TRRAP: variants seen among roughly 807,000 people sequenced by gnomAD.
The protein encoded by TRRAP is transformation/transcription domain associated protein, also known as transformation/transcription domain-associated protein.
Under a neutral mutation model 438.8 loss-of-function variants are expected in TRRAP, and 41 were observed. That is an observed-to-expected ratio of 0.09 (90% CI 0.07 to 0.12). TRRAP has a LOEUF of 0.12. Among genes scored for constraint, TRRAP ranks in the 10% least tolerant of loss-of-function variants. The probability of loss-of-function intolerance (pLI) is 1.00; values close to 1 mark genes in which losing one functional copy is unlikely to be tolerated. For missense variants in TRRAP, 3,122 were observed against 5,055.1 expected, an observed-to-expected ratio of 0.62 and a Z score of 11.60; for synonymous variants, 1,994 against 1,962.9, an observed-to-expected ratio of 1.02 and a Z score of -0.42.
Position 98,942,870 on chromosome 7 carries a change from A to G in TRRAP, c.4405-79A>G, listed in dbSNP as rs1790863120. 7.3e-6 allele frequency: 11 copies of G among 1,501,808 alleles called. No individual in the cohort carries two copies. The South Asian group carries it at 9.2e-5, about 13-fold the overall frequency. The allele number at this position is 1,501,808 out of a possible 1,614,324, so 93.0% of individuals were successfully genotyped here. A position where few individuals can be genotyped will look rare whatever the true frequency, so the allele number is the denominator to read the frequency against. On this transcript the variant is annotated intron_variant, in intron 30 of 72. Transcript: ENST00000456197. ...AGTTCTCACACTAAACACGATGGAA[A>G]TGAATGATTACATAGTAGTTTCCAC...
intron 17 of TRRAP, among the ~76,000 whole-genome samples, chr7:98,911,497 G>A (rs542571410): frequency 2.6e-5 from 4 of 152,208 alleles, no homozygotes; most frequent in Non-Finnish European, 4.4e-5. Context: ...TGTGGGCCAG[G>A]TGCAATGGCT....
At chr7:98,906,700 T>G (rs1388956289) in intron 13 of TRRAP, among the ~76,000 whole-genome samples, 1 of 152,088 alleles carries the variant, frequency 6.6e-6, no homozygotes, top group African/African-American at 2.4e-5. Flanking sequence ...CCCACAGTGC[T>G]GGGATTACAG....
intron 63 of TRRAP, among the ~76,000 whole-genome samples, chr7:98,989,378 C>T (rs1445735356): frequency 6.6e-6 from 1 of 152,214 alleles, no homozygotes; most frequent in African/African-American, 2.4e-5. Flanking sequence ...CTCTCTGCAC[C>T]GTGCCCCCCA....
intron 19 of TRRAP, 135 bp downstream of exon 19, chr7:98,916,023 C>A: frequency 8.3e-7 from 1 of 1,199,828 alleles, no homozygotes; most frequent in Non-Finnish European, 1.1e-6. Flanking sequence ...GGCACATCCG[C>A]CGCCCCCCTG....
chr7:98,897,935 T>C, intron 8 of TRRAP, 69 bp downstream of exon 8: 6 of 1,596,094 alleles, frequency 3.8e-6, no homozygotes, highest in Non-Finnish European at 5.1e-6. Context: ...GTTAAACCAT[T>C]TTTTTTTCTC....
At chr7:98,917,295 G>A in intron 19 of TRRAP, 128 bp from the exon 20 acceptor site, 1 of 1,315,888 alleles carries the variant, frequency 7.6e-7, no homozygotes, top group East Asian at 2.3e-5. Flanking sequence ...GAGTCTAAGG[G>A]CACAGAGGTC....
chr7:98,971,847 C>T lies in TRRAP; in HGVS notation c.7741C>T (p.Pro2581Ser). 6.2e-7 allele frequency: 1 copy of T among 1,614,142 alleles called. No individual in the cohort carries two copies. Among genetic ancestry groups the T allele is most frequent in the Non-Finnish European group, 8.5e-7 (1 of 1,180,036 alleles). The change falls in exon 53 of 73, where the codon CCC becomes TCC. Residue 2581 changes from proline to serine, a missense_variant. Pro to Ser is a moderately conservative substitution (Grantham distance 74). Coordinates refer to ENST00000456197, the MANE Select transcript of TRRAP (RefSeq NM_001375524.1). ...ELAPGDQTSTPKTKELSEKDI... is the reference protein window; with the variant it reads ...ELAPGDQTSTSKTKELSEKDI... ...AGCTCCTGGGGATCAGACCAGCACG[C>T]CCAAAACCAAAGAACTTTCAGAAAA...
chr7:98,962,519 G>T, intron 47 of TRRAP, 92 bp downstream of exon 47: 1 of 1,595,832 alleles, frequency 6.3e-7, no homozygotes, highest in Non-Finnish European at 8.6e-7. Context: ...AAGGGCTCCG[G>T]TTGTTGGGCA....
intron 61 of TRRAP, 87 bp downstream of exon 61, chr7:98,984,445 A>G (rs776205005): frequency 1.9e-5 from 28 of 1,454,864 alleles, no homozygotes; most frequent in South Asian, 4.6e-5. Flanking sequence ...CTGGTTCAGA[A>G]TATAAGGAAG....
At chr7:98,991,540 C>T (rs989935118) in intron 64 of TRRAP, among the ~76,000 whole-genome samples, 1 of 152,198 alleles carries the variant, frequency 6.6e-6, no homozygotes, top group African/African-American at 2.4e-5. Context: ...CAAGAGCAGC[C>T]GCCTCTGCCT....
chr7:98,908,818 C>T lies in TRRAP; in HGVS notation c.1206C>T (p.Phe402=), dbSNP rs35310331. Residue 402 remains phenylalanine, a synonymous_variant, in exon 14 of 73, where the codon TTC becomes TTT. Transcript: ENST00000456197. This position sits in a 1 kb window ranked among gnomAD's most constrained non-coding sequence, Gnocchi z 4.1. ...ACCTCTCCCTCGCCGTCCAGCTCTT[C>T]GCCAAGAACATCGACGATGAGTCCC... The part of the protein sequence containing the change: ...LSDLSLAVQL[F]AKNIDDESLP... 0.066 allele frequency: 106,770 copies of T among 1,610,636 alleles called. 9,648 individuals are homozygous for T. Among genetic ancestry groups the T allele is most frequent in the African/African-American group, 0.45 (33,621 of 74,810 alleles).
intron 22 of TRRAP, 132 bp downstream of exon 22, chr7:98,925,395 T>TA: frequency 7.8e-7 from 1 of 1,277,876 alleles, no homozygotes; most frequent in Admixed American, 2.6e-5. Context: ...ATTATCTACC[T>TA]ACTCCTTCTT....
intron 1 of TRRAP, among the ~76,000 whole-genome samples, chr7:98,880,690 A>G (rs1375251954): frequency 2.0e-5 from 3 of 152,206 alleles, no homozygotes; most frequent in Non-Finnish European, 2.9e-5. Context: ...GTCCATAAAT[A>G]AAGTTTTATT....
At chr7:98,886,464 A>G (rs915441899) in intron 3 of TRRAP, among the ~76,000 whole-genome samples, 1 of 152,190 alleles carries the variant, frequency 6.6e-6, no homozygotes, top group African/African-American at 2.4e-5. Flanking sequence ...ATAGATATCT[A>G]GAGAGATAGA....
At chr7:98,899,330 C>T (rs1796366929) in intron 8 of TRRAP, 92 bp from the exon 9 acceptor site, 2 of 1,030,720 alleles carry the variant, frequency 1.9e-6, no homozygotes, top group African/African-American at 1.6e-5. Flanking sequence ...TCCGTTCTCT[C>T]TCTTTCAGTG....
chr7:98,999,015 C>G, intron 67 of TRRAP: 1 of 711,982 alleles, frequency 1.4e-6, no homozygotes, highest in Non-Finnish European at 2.4e-6. Context: ...GGCAGCACAC[C>G]ACATCTGCCA....
intron 53 of TRRAP, among the ~76,000 whole-genome samples, chr7:98,973,297 A>G (rs1191767498): frequency 1.3e-5 from 2 of 152,138 alleles, no homozygotes; most frequent in East Asian, 3.9e-4. Flanking sequence ...CGCCACCACC[A>G]GAAAAAAGGG....
rs1209361334 is a variant in TRRAP at position 98,971,878 on chromosome 7, T to C, written c.7772T>C (p.Ile2591Thr). Residue 2591 changes from isoleucine to threonine, a missense_variant, in exon 53 of 73, where the codon ATT (isoleucine) becomes ACT (threonine). Transcript: ENST00000456197. ...PKTKELSEKDIGNQLHMLTNR... is the reference protein window; with the variant it reads ...PKTKELSEKDTGNQLHMLTNR... ...ACCAAAGAACTTTCAGAAAAGGACATTGGAAACCAGCTGCACATGCTAACC... is the reference window on the plus strand; with the variant it reads ...ACCAAAGAACTTTCAGAAAAGGACACTGGAAACCAGCTGCACATGCTAACC... 6.2e-7 allele frequency: 1 copy of C among 1,614,086 alleles called. No individual in the cohort carries two copies. The highest frequency in any genetic ancestry group is 8.5e-7 in the Non-Finnish European group (1 of 1,180,050).
chr7:98,975,431 G>A (rs1196527958), intron 53 of TRRAP, among the ~76,000 whole-genome samples: 2 of 152,334 alleles, frequency 1.3e-5, no homozygotes, highest in East Asian at 3.9e-4. Context: ...GTGGGCTAGA[G>A]CAGCCTCAGG....
Sources: gnomAD v4.1 joint callset for allele counts (sites outside exome capture counted in the v4.1 genomes callset) on GRCh38, gnomAD v4.1.1 for gene constraint, Gnocchi (gnomAD v3.1) non-coding constraint, MANE v1.5 for transcripts, NCBI Gene and HGNC (gene_info 2026-07-23, HGNC 2026-07-21) for gene names.